The following TENM4 variants were observed in gnomAD, a reference collection of about 807,000 sequenced individuals.
TENM4 encodes the protein teneurin-4.
In TENM4, 82 loss-of-function variants were observed where a neutral mutation model predicts 243.3. The observed-to-expected ratio is 0.34, with a 90% confidence interval of 0.28 to 0.40. The LOEUF is 0.40. Ranked by LOEUF, TENM4 falls within the 10% of genes least tolerant of loss-of-function variation. TENM4 has a pLI of 1.00. For missense variants in TENM4, 3,138 were observed against 3,673.3 expected (o/e 0.85, Z 3.77); for synonymous variants, 1,412 against 1,456.3 (o/e 0.97, Z 0.69).
chr11:78,763,055 T>C (rs558179799), intron 18 of TENM4, among the ~76,000 whole-genome samples: 6 of 152,226 alleles, frequency 3.9e-5, no homozygotes, highest in Non-Finnish European at 8.8e-5. Flanking sequence ...GGTTGACTTA[T>C]AAATTCTCTG....
chr11:79,005,506 T>C (rs948061948), intron 6 of TENM4, among the ~76,000 whole-genome samples: 6 of 152,074 alleles, frequency 3.9e-5, no homozygotes, highest in African/African-American at 1.2e-4. Flanking sequence ...AAAAACCACA[T>C]GATCATCTCA....
chr11:79,108,372 C>G (rs540062874), intron 4 of TENM4, among the ~76,000 whole-genome samples: 1 of 152,298 alleles, frequency 6.6e-6, no homozygotes, highest in South Asian at 2.1e-4. Flanking sequence ...GCATCAACTC[C>G]CGCCTGAATT....
At chr11:79,027,008 C>G (rs1186071447) in intron 6 of TENM4, among the ~76,000 whole-genome samples, 1 of 152,106 alleles carries the variant, frequency 6.6e-6, no homozygotes, top group Non-Finnish European at 1.5e-5. Context: ...CCTGGGTGTT[C>G]TAATACTTCC....
chr11:79,181,466 A>G (rs531177262), intron 3 of TENM4, among the ~76,000 whole-genome samples: 49 of 152,324 alleles, frequency 3.2e-4, no homozygotes, highest in Admixed American at 2.9e-3. Flanking sequence ...GCATCTACAA[A>G]AAATCTACTG....
At chr11:78,740,124 C>G (rs1307872093) in intron 19 of TENM4, among the ~76,000 whole-genome samples, 1 of 152,192 alleles carries the variant, frequency 6.6e-6, no homozygotes, top group Non-Finnish European at 1.5e-5. Flanking sequence ...GCTTTTTCTT[C>G]TGGCCTAGGG....
At chr11:78,762,175 A>G (rs1856443867) in intron 18 of TENM4, among the ~76,000 whole-genome samples, 1 of 152,210 alleles carries the variant, frequency 6.6e-6, no homozygotes, top group African/African-American at 2.4e-5. Context: ...CTTACTTCAT[A>G]GAGTTGCTGT....
intron 6 of TENM4, among the ~76,000 whole-genome samples, chr11:78,966,378 T>A (rs1857437546): frequency 6.6e-6 from 1 of 152,218 alleles, no homozygotes; most frequent in Non-Finnish European, 1.5e-5. Context: ...GGACTAGCTG[T>A]CTTCATGTTT....
At chr11:78,858,923 G>C (rs913374272) in intron 10 of TENM4, among the ~76,000 whole-genome samples, 1 of 152,170 alleles carries the variant, frequency 6.6e-6, no homozygotes, top group Non-Finnish European at 1.5e-5. Context: ...GTACCTTCCT[G>C]TGTATCAGTT....
intron 1 of TENM4, among the ~76,000 whole-genome samples, chr11:79,347,170 G>T (rs949078239): frequency 6.6e-6 from 1 of 152,160 alleles, no homozygotes; most frequent in African/African-American, 2.4e-5. Flanking sequence ...ACTAGTGCCA[G>T]CTCCCACCAA....
At chr11:78,952,918 A>G (rs192907498) in intron 6 of TENM4, among the ~76,000 whole-genome samples, 207 of 152,314 alleles carry the variant, frequency 1.4e-3, no homozygotes, top group African/African-American at 4.5e-3. Flanking sequence ...CATTCCCCCA[A>G]GGTTCCACTG....
intron 2 of TENM4, among the ~76,000 whole-genome samples, chr11:79,280,377 C>T (rs898096010): frequency 1.3e-5 from 2 of 152,202 alleles, no homozygotes; most frequent in Non-Finnish European, 2.9e-5. Flanking sequence ...GAGCCTGCCA[C>T]CCACTAAGTG....
At chr11:79,382,033 G>C (rs1858015052) in intron 1 of TENM4, among the ~76,000 whole-genome samples, 1 of 152,206 alleles carries the variant, frequency 6.6e-6, no homozygotes. Context: ...GCACGTGCCA[G>C]ATATGGTGGT....
chr11:79,157,926 A>G (rs992984123), intron 3 of TENM4, among the ~76,000 whole-genome samples: 1 of 152,228 alleles, frequency 6.6e-6, no homozygotes, highest in Non-Finnish European at 1.5e-5. Context: ...CCTGACCAGC[A>G]TGTTCTAACT....
At chr11:78,733,623 T>C (rs1855719912) in intron 20 of TENM4, among the ~76,000 whole-genome samples, 1 of 152,208 alleles carries the variant, frequency 6.6e-6, no homozygotes, top group African/African-American at 2.4e-5. Flanking sequence ...CATCCAAGCC[T>C]TGGCATGCAC....
intron 12 of TENM4, among the ~76,000 whole-genome samples, chr11:78,848,304 A>G (rs921137746): frequency 1.3e-5 from 2 of 152,144 alleles, no homozygotes; most frequent in Non-Finnish European, 2.9e-5. Flanking sequence ...ATAGTGCCTA[A>G]TACTTAAAGA....
chr11:79,312,423 C>T (rs1253094315), intron 1 of TENM4, among the ~76,000 whole-genome samples: 1 of 152,200 alleles, frequency 6.6e-6, no homozygotes, highest in Non-Finnish European at 1.5e-5. Context: ...CATGCATTAG[C>T]TTACTTAATA....
intron 3 of TENM4, among the ~76,000 whole-genome samples, chr11:79,210,861 T>C (rs1337676483): frequency 6.6e-6 from 1 of 152,234 alleles, no homozygotes; most frequent in African/African-American, 2.4e-5. Flanking sequence ...TTTATCTGCC[T>C]ATTGGTGACC....
chr11:79,047,530 G>A (rs752041075), intron 6 of TENM4, among the ~76,000 whole-genome samples: 4 of 152,176 alleles, frequency 2.6e-5, no homozygotes, highest in East Asian at 1.9e-4. Flanking sequence ...GGGCTTCTGC[G>A]GGCTGTCACA....
At chr11:78,925,972 C>G (rs995622360) in intron 6 of TENM4, among the ~76,000 whole-genome samples, 11 of 150,460 alleles carry the variant, frequency 7.3e-5, no homozygotes, top group Non-Finnish European at 1.0e-4. Context: ...AAAAAAACAA[C>G]CCCAAAGCCC....
Sources: gnomAD v4.1 joint callset for allele counts (sites outside exome capture counted in the v4.1 genomes callset) on GRCh38, gnomAD v4.1.1 for gene constraint, MANE v1.5 for transcripts, NCBI Gene and HGNC (gene_info 2026-07-23, HGNC 2026-07-21) for gene names.